ATOSA: variants seen among roughly 807,000 people sequenced by gnomAD.
The protein encoded by ATOSA is atos homolog A.
the ATOSA span, among the ~76,000 whole-genome samples, chr15:52,631,435 T>C: frequency 1.3e-5 from 2 of 152,174 alleles, no homozygotes; most frequent in African/African-American, 2.4e-5. Context: ...ATTTTATGAG[T>C]TGATGAAAAT....
chr15:52,597,149 T>G, the ATOSA span, among the ~76,000 whole-genome samples: 1 of 30,806 alleles, frequency 3.2e-5, no homozygotes, highest in African/African-American at 1.2e-4. Flanking sequence ...TATTCTATTT[T>G]ATTCTGTTCT....
chr15:52,689,138 G>A, the ATOSA span, among the ~76,000 whole-genome samples: 1 of 152,110 alleles, frequency 6.6e-6, no homozygotes, highest in Non-Finnish European at 1.5e-5. Context: ...CATGATCTCG[G>A]TGTGTGCCAG....
the ATOSA span, among the ~76,000 whole-genome samples, chr15:52,661,067 A>T: frequency 6.6e-6 from 1 of 152,176 alleles, no homozygotes. Flanking sequence ...CTAAAGAAAA[A>T]AATTGTCCTC....
At chr15:52,653,201 G>A in the ATOSA span, among the ~76,000 whole-genome samples, 2 of 152,122 alleles carry the variant, frequency 1.3e-5, no homozygotes, top group African/African-American at 4.8e-5. Context: ...AGTGTCTTGG[G>A]GTTAGGGAGT....
the ATOSA span, among the ~76,000 whole-genome samples, chr15:52,593,911 G>C: frequency 6.6e-6 from 1 of 152,036 alleles, no homozygotes; most frequent in Non-Finnish European, 1.5e-5. Context: ...CCTTATTTCT[G>C]CTTTTCATCT....
At chr15:52,600,325 C>A in the ATOSA span, 4 of 738,212 alleles carry the variant, frequency 5.4e-6, no homozygotes, top group Admixed American at 2.4e-5. Context: ...GTCACCCAGG[C>A]GGGAGTACAG....
chr15:52,615,187 T>C, the ATOSA span, among the ~76,000 whole-genome samples: 1 of 152,142 alleles, frequency 6.6e-6, no homozygotes, highest in Non-Finnish European at 1.5e-5. Flanking sequence ...ATATGTGGAG[T>C]GTGGTATTCT....
chr15:52,707,652 A>G, the ATOSA span, among the ~76,000 whole-genome samples: 4 of 152,202 alleles, frequency 2.6e-5, no homozygotes, highest in Admixed American at 6.5e-5. Flanking sequence ...GATCAATATT[A>G]AATTTCTGAA....
At chr15:52,667,765 A>G in the ATOSA span, among the ~76,000 whole-genome samples, 6 of 152,216 alleles carry the variant, frequency 3.9e-5, no homozygotes, top group Admixed American at 3.9e-4. Flanking sequence ...AAGTGTCAAG[A>G]CATCTGCAAC....
the ATOSA span, among the ~76,000 whole-genome samples, chr15:52,596,669 G>C: frequency 4.6e-5 from 7 of 152,208 alleles, no homozygotes; most frequent in African/African-American, 1.2e-4. Context: ...CAAGTGGGTA[G>C]AGGCCAGAGA....
chr15:52,593,395 A>C, the ATOSA span: 3 of 568,426 alleles, frequency 5.3e-6, no homozygotes, highest in Admixed American at 1.1e-4. Context: ...CCTTAAATGC[A>C]AAAGAGGTTA....
chr15:52,600,204 G>T, the ATOSA span: 1 of 1,610,268 alleles, frequency 6.2e-7, no homozygotes, highest in Middle Eastern at 1.7e-4. Flanking sequence ...TGAATATCTG[G>T]ATCATCTTCA....
the ATOSA span, among the ~76,000 whole-genome samples, chr15:52,698,838 T>A: frequency 5.3e-5 from 8 of 152,236 alleles, no homozygotes; most frequent in East Asian, 1.9e-4. Flanking sequence ...TGAAGATTAC[T>A]GTACTGTCTT....
At chr15:52,645,527 A>G in the ATOSA span, among the ~76,000 whole-genome samples, 3 of 152,210 alleles carry the variant, frequency 2.0e-5, 1 homozygote, top group Non-Finnish European at 4.4e-5. Context: ...TTAGGAGGGA[A>G]CTCAATCTTG....
At chr15:52,676,004 A>T in the ATOSA span, among the ~76,000 whole-genome samples, 2 of 152,230 alleles carry the variant, frequency 1.3e-5, no homozygotes, top group African/African-American at 4.8e-5. Flanking sequence ...GAAAATTAAA[A>T]GGTGACAAGG....
the ATOSA span, among the ~76,000 whole-genome samples, chr15:52,667,973 T>C: frequency 1.1e-4 from 17 of 152,218 alleles, no homozygotes; most frequent in African/African-American, 3.9e-4. Context: ...CTGTAAGTTA[T>C]TACAGCCATT....
At chr15:52,636,049 TA>T in the ATOSA span, among the ~76,000 whole-genome samples, 1 of 146,366 alleles carries the variant, frequency 6.8e-6, no homozygotes, top group Middle Eastern at 3.6e-3. Context: ...ATATTATTAA[TA>T]AATTTATTAA....
the ATOSA span, among the ~76,000 whole-genome samples, chr15:52,588,263 TG>T: frequency 6.6e-6 from 1 of 152,306 alleles, no homozygotes; most frequent in Admixed American, 6.5e-5. Context: ...CTCTACTATA[TG>T]AAGTAGTTTT....
the ATOSA span, among the ~76,000 whole-genome samples, chr15:52,637,710 G>A: frequency 3.3e-5 from 5 of 152,040 alleles, no homozygotes; most frequent in Non-Finnish European, 5.9e-5. Context: ...ATACTAATAA[G>A]AGCCCAAACT....
Sources: allele counts gnomAD v4.1 joint callset (sites outside exome capture counted in the v4.1 genomes callset), GRCh38; gene constraint gnomAD v4.1.1; transcripts MANE v1.5; gene names NCBI Gene and HGNC (gene_info 2026-07-23, HGNC 2026-07-21).